LYPD1: variants seen among roughly 807,000 people sequenced by gnomAD.
LYPD1 encodes the protein LY6/PLAUR domain containing 1.
LYPD1 carries 14 observed loss-of-function variants against 14.2 expected under a neutral mutation model. The ratio of observed to expected loss-of-function variants is 0.99; its 90% CI spans 0.65 to 1.54. The LOEUF is 1.54. Among genes scored for constraint, LYPD1 ranks in the 40% most tolerant of loss-of-function variants. LYPD1 has a pLI of 0.00. For synonymous variants in LYPD1, 85 were observed against 70.6 expected (o/e 1.20, Z -1.02); for missense variants, 165 against 175.7 (o/e 0.94, Z 0.34).
intron 2 of LYPD1, among the ~76,000 whole-genome samples, chr2:132,662,523 C>T (rs547286593): frequency 1.2e-4 from 16 of 128,132 alleles, no homozygotes; most frequent in Non-Finnish European, 2.0e-4. Flanking sequence ...TGCTAATAAA[C>T]CTTTGCTTAG....
intron 2 of LYPD1, among the ~76,000 whole-genome samples, chr2:132,649,844 A>C (rs1170945185): frequency 6.6e-6 from 1 of 152,210 alleles, no homozygotes; most frequent in Non-Finnish European, 1.5e-5. Context: ...TAAAAACCCC[A>C]TAAAAGTACT....
intron 2 of LYPD1, among the ~76,000 whole-genome samples, chr2:132,657,801 C>T (rs1329063558): frequency 3.9e-5 from 6 of 151,998 alleles, no homozygotes; most frequent in Non-Finnish European, 5.9e-5. Context: ...TACATTTCAG[C>T]GTTCAATTGA....
At chr2:132,662,850 G>T (rs1683036266) in intron 2 of LYPD1, among the ~76,000 whole-genome samples, 1 of 152,190 alleles carries the variant, frequency 6.6e-6, no homozygotes, top group South Asian at 2.1e-4. Flanking sequence ...AGGAATTAGT[G>T]TTATGGGAGA....
upstream of LYPD1, among the ~76,000 whole-genome samples, chr2:132,670,896 T>G (rs1159836860): frequency 6.6e-6 from 1 of 152,086 alleles, no homozygotes; most frequent in Admixed American, 6.5e-5. This position sits in a 1 kb window ranked among gnomAD's most constrained non-coding sequence, Gnocchi z 4.5. Flanking sequence ...GGAGGGTGCA[T>G]TGACACCGCC....
At position 132,646,184 on chromosome 2, in the gene LYPD1, A is replaced by C; in HGVS notation, c.287T>G (p.Val96Gly). 2 of 1,610,160 alleles carry C rather than the reference A, an allele frequency of 1.2e-6. No individual in the cohort carries two copies. Among genetic ancestry groups the C allele is most frequent in the Non-Finnish European group, 1.7e-6 (2 of 1,177,876 alleles). The stretch of plus-strand genomic sequence containing the variant: ...AGGGGTGTTGCAGCAGCTGATGCAA[A>C]CTGAGTTCAGTTTCCCTGGGGAGCA... ...SFCSPGKLNS[V>G]CISCCNTPLC... Residue 96 changes from valine (V) to glycine (G), a missense_variant, in exon 3 of 3, where the codon GTT (valine) becomes GGT (glycine). By Grantham distance (109) the Val-to-Gly change is moderately radical. Transcript: ENST00000397463.
intron 2 of LYPD1, among the ~76,000 whole-genome samples, chr2:132,663,867 T>C (rs1683110685): frequency 6.6e-6 from 1 of 152,126 alleles, no homozygotes; most frequent in Non-Finnish European, 1.5e-5. Context: ...AATAAAAAAA[T>C]CTTAGAAAAT....
intron 2 of LYPD1, among the ~76,000 whole-genome samples, chr2:132,662,229 G>A (rs1482663594): frequency 6.6e-6 from 1 of 152,202 alleles, no homozygotes; most frequent in Non-Finnish European, 1.5e-5. Context: ...GGCAACTCCT[G>A]GTGAGCATCA....
chr2:132,660,962 C>A (rs1439328873), intron 2 of LYPD1, among the ~76,000 whole-genome samples: 2 of 152,166 alleles, frequency 1.3e-5, no homozygotes, highest in African/African-American at 4.8e-5. Context: ...TATCCTCAAG[C>A]TTTCTCAAGG....
rs1681964652 is a variant in LYPD1, at chr2:132,644,828, T to C, written c.*1217A>G. Reference sequence around the variant, plus strand: ...CACCAATGAAAACATTTTTTTAAAATTAACAGACATCAACTGGTATAAATA... The same window carrying C: ...CACCAATGAAAACATTTTTTTAAAACTAACAGACATCAACTGGTATAAATA... On this transcript the variant is annotated 3_prime_UTR_variant, in exon 3 of 3. Coordinates refer to ENST00000397463, the MANE Select transcript of LYPD1 (RefSeq NM_144586.7). 1 of 408,152 alleles carries C rather than the reference T, an allele frequency of 2.5e-6. No homozygotes were observed. The highest frequency in any genetic ancestry group is 2.1e-5 in the African/African-American group (1 of 48,372). 25.3% of individuals were successfully genotyped at this position (408,152 alleles called of 1,614,324 possible).
chr2:132,665,143 A>C (rs1183026175), intron 2 of LYPD1, among the ~76,000 whole-genome samples: 1 of 152,220 alleles, frequency 6.6e-6, no homozygotes, highest in African/African-American at 2.4e-5. Flanking sequence ...TCTGGGGAAT[A>C]GGTAAAGGTT....
At chr2:132,646,348 CA>C in intron 2 of LYPD1, 68 bp from the exon 3 acceptor site, 1 of 1,101,468 alleles carries the variant, frequency 9.1e-7, no homozygotes, top group Middle Eastern at 2.1e-4. Context: ...CCTCTCAGCC[CA>C]AATCCAAACG....
At chr2:132,662,167 T>A (rs1356762616) in intron 2 of LYPD1, among the ~76,000 whole-genome samples, 1 of 152,192 alleles carries the variant, frequency 6.6e-6, no homozygotes, top group Non-Finnish European at 1.5e-5. Context: ...CAAACTAACT[T>A]GTACTATAAT....
chr2:132,655,661 C>T (rs1682548766), intron 2 of LYPD1, among the ~76,000 whole-genome samples: 1 of 151,850 alleles, frequency 6.6e-6, no homozygotes, highest in Non-Finnish European at 1.5e-5. Flanking sequence ...ACTACAGGTG[C>T]CTGCCACCAT....
chr2:132,668,635 C>G, intron 1 of LYPD1, 98 bp from the exon 2 acceptor site: 1 of 1,520,616 alleles, frequency 6.6e-7, no homozygotes. Context: ...GGCTCCCAGC[C>G]TCTGGCAGGC....
intron 2 of LYPD1, among the ~76,000 whole-genome samples, chr2:132,655,607 T>C (rs981979589): frequency 4.2e-5 from 6 of 143,140 alleles, no homozygotes; most frequent in Non-Finnish European, 6.0e-5. Context: ...CTCCGCCTCC[T>C]GGGTTCACGC....
Position 132,669,841 on chromosome 2 carries a change from G to C in LYPD1, c.52+40C>G, listed in dbSNP as rs759858176. 2.7e-5 allele frequency: 44 copies of C among 1,608,466 alleles called. No individual in the cohort carries two copies. The Middle Eastern group carries it at 4.9e-4, about 18-fold the overall frequency. ...AAGGGCTGGCGGGTAGATGGATTGT[G>C]CGCACCTGGCCTCGGCTGCTGGCCT... On this transcript the variant is annotated intron_variant, in intron 1 of 2. Coordinates refer to ENST00000397463, the MANE Select transcript of LYPD1 (RefSeq NM_144586.7). This position sits in a 1 kb window ranked among gnomAD's most constrained non-coding sequence, Gnocchi z 4.3.
rs760895092 is a variant in LYPD1, at chr2:132,646,259, C to T, written c.212G>A (p.Cys71Tyr). The T allele has an allele frequency of 2.6e-6, 4 of 1,562,778 alleles. No homozygotes were observed. The South Asian group carries it at 4.8e-5, about 19-fold the overall frequency. Residue 71 changes from cysteine (C) to tyrosine (Y), a missense_variant, in exon 3 of 3, where the codon TGT becomes TAT. Cys to Tyr is a radical substitution (Grantham distance 194, BLOSUM62 -2). Transcript: ENST00000397463. ...QSAGIMYRKSCASSAACLIAS... is the reference protein window; with the variant it reads ...QSAGIMYRKSYASSAACLIAS... ...GATGAGACAGGCCGCTGATGATGCA[C>T]AGGACTTGCGGTACATGATCCCTGT...
intron 2 of LYPD1, 52 bp from the exon 3 acceptor site, chr2:132,646,332 G>A (rs1042213227): frequency 2.8e-5 from 36 of 1,279,074 alleles, no homozygotes; most frequent in Non-Finnish European, 3.7e-5. Flanking sequence ...CAAAAGAATA[G>A]CTGTCCCTCT....
Position 132,645,397 on chromosome 2 carries a change from G to C in LYPD1, c.*648C>G. 6.2e-7 allele frequency: 1 copy of C among 1,613,622 alleles called. No individual in the cohort carries two copies. The highest frequency in any genetic ancestry group is 8.5e-7 in the Non-Finnish European group (1 of 1,180,008). On this transcript the variant is annotated 3_prime_UTR_variant, in exon 3 of 3. Transcript: ENST00000397463. ...ACATGCGCACTCCACCACCGACAGC[G>C]CCCGCTTTGTGCAGCGCCCGTTGCT...
Sources: gnomAD v4.1 joint callset for allele counts (sites outside exome capture counted in the v4.1 genomes callset) on GRCh38, gnomAD v4.1.1 for gene constraint, Gnocchi (gnomAD v3.1) non-coding constraint, MANE v1.5 for transcripts, NCBI Gene and HGNC (gene_info 2026-07-23, HGNC 2026-07-21) for gene names.